MYCBP2: variants seen among roughly 807,000 people sequenced by gnomAD.
MYCBP2 encodes MYC binding protein 2, also known as E3 ubiquitin-protein ligase MYCBP2.
In MYCBP2, 120 loss-of-function variants were observed where a neutral mutation model predicts 525.3. The ratio of observed to expected loss-of-function variants is 0.23; its 90% CI spans 0.20 to 0.27. The LOEUF (loss-of-function observed/expected upper bound fraction) is 0.27. Among genes scored for constraint, MYCBP2 ranks in the 10% least tolerant of loss-of-function variants. The pLI, the probability that MYCBP2 is intolerant of heterozygous loss-of-function variation, is 1.00. For synonymous variants in MYCBP2, 1,894 were observed against 1,955.8 expected (o/e 0.97, Z 0.83); for missense variants, 4,149 against 5,657.1 (o/e 0.73, Z 8.55).
At position 77,059,523 on chromosome 13, in the gene MYCBP2, C is replaced by G. The variant is rs778276650; in HGVS notation, c.13140G>C (p.Gln4380His). 6 of 1,611,050 alleles carry G rather than the reference C, an allele frequency of 3.7e-6. No individual in the cohort carries two copies. The Admixed American group carries it at 8.3e-5, about 22-fold the overall frequency. ...ATGGCCTGTGTCACTATATACTCAC[C>G]TGGCAATCTGCATCAGAACAAACAC... ...VGSVCSDADC[Q>H]EYAKIACSKT... The change falls in exon 77 of 83, where the codon CAG (glutamine) becomes CAC (histidine). Residue 4380 changes from glutamine to histidine, a missense_variant and splice_region_variant. Transcript: ENST00000544440.
chr13:77,228,256 A>C (rs1474741282), intron 18 of MYCBP2, among the ~76,000 whole-genome samples: 1 of 152,116 alleles, frequency 6.6e-6, no homozygotes, highest in Admixed American at 6.5e-5. Flanking sequence ...CTGTAATCTC[A>C]GGGCTTTGGG....
At chr13:77,279,358 A>C (rs1686263955) in intron 3 of MYCBP2, among the ~76,000 whole-genome samples, 1 of 152,274 alleles carries the variant, frequency 6.6e-6, no homozygotes, top group South Asian at 2.1e-4. Flanking sequence ...TAAAAATATC[A>C]CTGGTACTTT....
At chr13:77,152,803 C>A (rs943735964) in intron 46 of MYCBP2, among the ~76,000 whole-genome samples, 34 of 152,148 alleles carry the variant, frequency 2.2e-4, no homozygotes, top group African/African-American at 7.2e-4. Flanking sequence ...CGGTGGCTCA[C>A]GCCTGTAATC....
intron 82 of MYCBP2, among the ~76,000 whole-genome samples, chr13:77,046,894 T>G (rs1272454353): frequency 6.6e-6 from 1 of 152,166 alleles, no homozygotes. Flanking sequence ...TGCAGATTGG[T>G]GCCCACCCCA....
chr13:77,225,380 A>G, intron 19 of MYCBP2, 55 bp downstream of exon 19: 1 of 1,606,066 alleles, frequency 6.2e-7, no homozygotes, highest in Non-Finnish European at 8.5e-7. Context: ...TGAAGAAATA[A>G]GTTACTGAGC....
chr13:77,187,932 G>A (rs1025076977), intron 30 of MYCBP2, among the ~76,000 whole-genome samples: 10 of 151,948 alleles, frequency 6.6e-5, no homozygotes, highest in African/African-American at 2.4e-4. Context: ...TTAGCTGGGC[G>A]TGGTGGCAGG....
rs547208347 is a variant in MYCBP2 at position 77,245,140 on chromosome 13, C to T, written c.2382-1189G>A. Among the ~76,000 whole-genome samples, 54 of 152,308 alleles carry T rather than the reference C, an allele frequency of 3.5e-4. 3 individuals carry two copies. The highest frequency in any genetic ancestry group is 3.0e-3 in the Admixed American group (46 of 15,302). On this transcript the variant is annotated intron_variant, in intron 15 of 82. Coordinates refer to ENST00000544440, the MANE Select transcript of MYCBP2 (RefSeq NM_015057.5). The stretch of plus-strand genomic sequence containing the variant: ...GAGAGGATGTGGAGAAATAGGAACG[C>T]TTTTACACTGTTGGTGGGAGTGTAA...
At chr13:77,164,334 T>C (rs773235433) in intron 43 of MYCBP2, 120 bp downstream of exon 43, 15 of 655,574 alleles carry the variant, frequency 2.3e-5, no homozygotes, top group Non-Finnish European at 4.0e-5. Context: ...GAAGCAGTTA[T>C]TGCTCATGAA....
At chr13:77,078,745 G>C in intron 66 of MYCBP2, 79 bp downstream of exon 66, 1 of 1,127,024 alleles carries the variant, frequency 8.9e-7, no homozygotes, top group Non-Finnish European at 1.4e-6. Flanking sequence ...TGTGCCAAGG[G>C]TGGAATTCAA....
chr13:77,188,877 C>A, intron 30 of MYCBP2, 74 bp downstream of exon 30: 1 of 935,612 alleles, frequency 1.1e-6, no homozygotes. Flanking sequence ...CTTACAAGAG[C>A]AGCTAAACTC....
intron 24 of MYCBP2, among the ~76,000 whole-genome samples, chr13:77,206,193 T>G (rs2063316482): frequency 6.6e-6 from 1 of 151,830 alleles, no homozygotes; most frequent in Non-Finnish European, 1.5e-5. Context: ...CATCTCAAAG[T>G]AATTAAATAA....
rs146763428 is a variant in MYCBP2 at position 77,098,470 on chromosome 13, C to T, written c.8684G>A (p.Arg2895Gln). ...KMPLTEPLRGRSTSPKPKSVP... is the reference protein window; with the variant it reads ...KMPLTEPLRGQSTSPKPKSVP... Reference sequence around the variant, plus strand: ...TGATTTTGGTTTTGGTGACGTTGACCGTCCTCTCAAAGGTTCTGTGAGGGG... The same window carrying T: ...TGATTTTGGTTTTGGTGACGTTGACTGTCCTCTCAAAGGTTCTGTGAGGGG... Residue 2895 changes from arginine (R) to glutamine (Q), a missense_variant, in exon 56 of 83, where the codon CGG becomes CAG. Physicochemically the swap from Arg to Gln is conservative, Grantham distance 43 (BLOSUM62 1). This residue lies in a region of MYCBP2 where 653 missense variants were observed against 744.7 expected (regional missense o/e 0.88). Transcript: ENST00000544440. 8.7e-6 allele frequency: 14 copies of T among 1,613,518 alleles called. No homozygotes were observed. Among genetic ancestry groups the T allele is most frequent in the Admixed American group, 3.3e-5 (2 of 59,878 alleles).
chr13:77,229,650 A>G (rs1031139463), intron 18 of MYCBP2, among the ~76,000 whole-genome samples: 4 of 152,212 alleles, frequency 2.6e-5, no homozygotes, highest in Admixed American at 2.6e-4. Flanking sequence ...CATATATTTT[A>G]ATCTTCATAG....
At position 77,190,316 on chromosome 13, in the gene MYCBP2, T is replaced by A; in HGVS notation, c.4090A>T (p.Ser1364Cys). Reference sequence around the variant, plus strand: ...GTACCATTATTTGATTTCTTTGAACTCTTGAACTGGAAAACAACCCTAAGA... The same window carrying A: ...GTACCATTATTTGATTTCTTTGAACACTTGAACTGGAAAACAACCCTAAGA... ...TDDGVVFQFK[S>C]SKKSNNGTDV... Residue 1364 changes from serine to cysteine, a missense_variant, in exon 29 of 83, where the codon AGT becomes TGT. Coordinates refer to ENST00000544440, the MANE Select transcript of MYCBP2 (RefSeq NM_015057.5). 6.2e-7 allele frequency: 1 copy of A among 1,608,890 alleles called. No individual in the cohort carries two copies. The highest frequency in any genetic ancestry group is 1.3e-5 in the African/African-American group (1 of 74,970).
chr13:77,296,720 T>C (rs2078226644), intron 1 of MYCBP2, 46 bp from the exon 2 acceptor site: 6 of 1,229,454 alleles, frequency 4.9e-6, no homozygotes, highest in Non-Finnish European at 6.7e-6. Flanking sequence ...ATGTTCATAT[T>C]AGGACATACA....
chr13:77,258,591 G>C (rs537584442), intron 13 of MYCBP2, among the ~76,000 whole-genome samples: 2 of 152,226 alleles, frequency 1.3e-5, no homozygotes, highest in South Asian at 4.1e-4. Context: ...TATTAGCTCA[G>C]ATATCACTAC....
chr13:77,244,031 A>C (rs2154317874), intron 15 of MYCBP2, 80 bp from the exon 16 acceptor site: 1 of 1,379,334 alleles, frequency 7.2e-7, no homozygotes, highest in East Asian at 2.6e-5. Flanking sequence ...TCTATAACTT[A>C]TTTTCCACAT....
At chr13:77,260,953 G>A (rs915633161) in intron 12 of MYCBP2, among the ~76,000 whole-genome samples, 2 of 151,848 alleles carry the variant, frequency 1.3e-5, no homozygotes, top group African/African-American at 4.8e-5. Flanking sequence ...TTTTTCCCAA[G>A]TTGTAATTCA....
intron 8 of MYCBP2, among the ~76,000 whole-genome samples, chr13:77,266,473 C>T (rs1461798870): frequency 6.6e-6 from 1 of 151,936 alleles, no homozygotes; most frequent in African/African-American, 2.4e-5. Context: ...CATATGATCA[C>T]ACTTTTTTAC....
Sources: gnomAD v4.1 joint callset for allele counts (sites outside exome capture counted in the v4.1 genomes callset) on GRCh38, gnomAD v4.1.1 for gene constraint, gnomAD v4.1.1 regional missense constraint, MANE v1.5 for transcripts, NCBI Gene and HGNC (gene_info 2026-07-23, HGNC 2026-07-21) for gene names.